The following BPIFC variants were observed in gnomAD, a reference collection of about 807,000 sequenced individuals.
BPIFC encodes BPI fold-containing family C protein.
A neutral mutation model predicts 57.6 loss-of-function variants in BPIFC; 60 were observed. The ratio of observed to expected loss-of-function variants is 1.04; its 90% CI spans 0.85 to 1.29. The LOEUF is 1.29. BPIFC is among the 50% of genes most tolerant of loss of function. BPIFC has a pLI of 0.00. For missense variants in BPIFC, 581 were observed against 600.5 expected (o/e 0.97, Z 0.34); for synonymous variants, 243 against 224.5 (o/e 1.08, Z -0.74).
intron 11 of BPIFC, among the ~76,000 whole-genome samples, chr22:32,433,422 C>G (rs1569450634): frequency 6.6e-6 from 1 of 151,392 alleles, no homozygotes; most frequent in Non-Finnish European, 1.5e-5. Context: ...AGAATTGAAT[C>G]CTTCATTTCC....
intron 15 of BPIFC, among the ~76,000 whole-genome samples, chr22:32,416,247 G>GT (rs1933673761): frequency 6.6e-6 from 1 of 151,848 alleles, no homozygotes; most frequent in African/African-American, 2.4e-5. Context: ...GCCTGGCTAA[G>GT]TTTTTTTGTA....
At position 32,422,088 on chromosome 22, in the gene BPIFC, C is replaced by T. The variant is rs527674757; in HGVS notation, c.1218-2684G>A. Among the ~76,000 whole-genome samples the T allele has an allele frequency of 3.9e-5, 6 of 152,232 alleles. No individual in the cohort carries two copies. The East Asian group carries it at 1.2e-3, about 29-fold the overall frequency. Reference sequence around the variant, plus strand: ...CAGACAGGATTGACTAGGCTCAGTGCCTCTGGCTGTGTTACGATTTTCATT... The same window carrying T: ...CAGACAGGATTGACTAGGCTCAGTGTCTCTGGCTGTGTTACGATTTTCATT... On this transcript the variant is annotated intron_variant, in intron 13 of 16. Transcript: ENST00000300399.
intron 8 of BPIFC, 52 bp downstream of exon 8, chr22:32,442,619 G>C: frequency 6.4e-7 from 1 of 1,561,048 alleles, no homozygotes; most frequent in Non-Finnish European, 8.8e-7. Context: ...GGCAGTACCA[G>C]CTTTTGAAGG....
chr22:32,431,818 G>C (rs9609549), intron 12 of BPIFC, among the ~76,000 whole-genome samples: 12,742 of 152,116 alleles, frequency 0.084, 578 homozygotes, highest in Admixed American at 0.1. Context: ...AATTCCAGCT[G>C]TCCATGTAAC....
chr22:32,451,325 G>A (rs1270303842), intron 4 of BPIFC, among the ~76,000 whole-genome samples: 4 of 152,126 alleles, frequency 2.6e-5, no homozygotes, highest in Non-Finnish European at 4.4e-5. Context: ...GTAGTGCCAC[G>A]ATAAACATAC....
At chr22:32,463,086 C>A (rs1935198496) in intron 1 of BPIFC, among the ~76,000 whole-genome samples, 1 of 152,122 alleles carries the variant, frequency 6.6e-6, no homozygotes, top group South Asian at 2.1e-4. Context: ...ATCCAGGAAT[C>A]CAAAATTACA....
Position 32,445,885 on chromosome 22 carries a change from G to T in BPIFC, c.486C>A (p.Tyr162Ter). The stretch of plus-strand genomic sequence containing the variant: ...AGACGTGGGCATGGCTCAGTTGGGC[G>T]TAGCAATCTTGGAGCTTCAGGGTAG... ...GHPTLKLQDC[Y>*]AQLSHAHVSF... is the part of the protein sequence containing the mutation. Residue 162 changes from tyrosine (Y) to a stop codon, truncating the protein, a stop_gained, in exon 6 of 17, where the codon TAC becomes TAA. Coordinates refer to ENST00000300399, the MANE Select transcript of BPIFC (RefSeq NM_174932.3). LOFTEE classifies it high-confidence loss of function. The T allele has an allele frequency of 1.9e-6, 3 of 1,614,132 alleles. No individual in the cohort carries two copies. The highest frequency in any genetic ancestry group is 1.1e-5 in the South Asian group (1 of 91,080).
chr22:32,431,168 C>T (rs577378074), intron 13 of BPIFC, among the ~76,000 whole-genome samples, 179 bp downstream of exon 13: 10 of 149,140 alleles, frequency 6.7e-5, no homozygotes, highest in African/African-American at 2.2e-4. Flanking sequence ...GGCTGGAGTG[C>T]AGTGGTGTGA....
rs755398044 is a variant in BPIFC at position 32,419,401 on chromosome 22, G to A, written c.1221C>T (p.Phe407=). The change falls in exon 14 of 17, where the codon TTC becomes TTT. Residue 407 remains phenylalanine, a synonymous_variant. Coordinates refer to ENST00000300399, the MANE Select transcript of BPIFC (RefSeq NM_174932.3). The part of the protein sequence containing the change: ...RLVCSLSLNR[F]RLALPESNRS... ...GATTGGACTCTGGCAAAGCAAGGCG[G>A]AATCTAAAAGAAAACAAGAAAAGTT... The A allele has an allele frequency of 2.5e-6, 4 of 1,613,398 alleles. No individual in the cohort carries two copies. In the Admixed American group the frequency reaches 6.7e-5, roughly 27 times the overall value.
At chr22:32,428,250 C>CGTGT (rs34028436) in intron 13 of BPIFC, among the ~76,000 whole-genome samples, 1,464 of 143,362 alleles carry the variant, frequency 0.01, 29 homozygotes, top group African/African-American at 0.035. Flanking sequence ...TACATTAAAA[C>CGTGT]GTGTGTGTGT....
At chr22:32,443,241 G>A (rs1267262510) in intron 7 of BPIFC, among the ~76,000 whole-genome samples, 3 of 149,502 alleles carry the variant, frequency 2.0e-5, no homozygotes, top group Non-Finnish European at 4.4e-5. Context: ...TCGGCTCACT[G>A]CAAGCTCCGC....
intron 4 of BPIFC, among the ~76,000 whole-genome samples, chr22:32,450,093 TACACAC>T (rs59948938): frequency 0.023 from 3,324 of 145,562 alleles, 63 homozygotes; most frequent in East Asian, 0.098. Flanking sequence ...TCAAAGAGCA[TACACAC>T]ACACACACAC....
chr22:32,454,954 A>G (rs1934997145), intron 3 of BPIFC, among the ~76,000 whole-genome samples: 1 of 151,738 alleles, frequency 6.6e-6, no homozygotes, highest in Non-Finnish European at 1.5e-5. Flanking sequence ...CATATTTGCT[A>G]TGGCCAGACA....
At chr22:32,458,405 T>C (rs1935090973) in intron 2 of BPIFC, among the ~76,000 whole-genome samples, 1 of 152,218 alleles carries the variant, frequency 6.6e-6, no homozygotes, top group Admixed American at 6.5e-5. Context: ...AGCCACTCAA[T>C]GCAGAACATG....
At chr22:32,447,842 C>T (rs1433246295) in intron 4 of BPIFC, among the ~76,000 whole-genome samples, 1 of 151,982 alleles carries the variant, frequency 6.6e-6, no homozygotes, top group Non-Finnish European at 1.5e-5. Flanking sequence ...CTCCTGGCCT[C>T]CAGCAAGCCT....
rs1934415012 is a variant in BPIFC at position 32,436,765 on chromosome 22, TA to T, written c.748-886del. ...ACCTTCAAAATCTGTGTCTGCTGAG[TA>T]CCTGGGGAATCATAGAAAGAAGACC... On this transcript the variant is annotated intron_variant, in intron 9 of 16. Coordinates refer to ENST00000300399, the MANE Select transcript of BPIFC (RefSeq NM_174932.3). Among the ~76,000 whole-genome samples the T allele has an allele frequency of 1.3e-5, 2 of 152,164 alleles. 1 individual carries two copies. Among genetic ancestry groups the T allele is most frequent in the Admixed American group, 1.3e-4 (2 of 15,278 alleles).
intron 3 of BPIFC, among the ~76,000 whole-genome samples, chr22:32,457,062 A>G (rs1935052714): frequency 6.6e-6 from 1 of 152,190 alleles, no homozygotes; most frequent in Admixed American, 6.5e-5. Context: ...CTGTGTTTGG[A>G]CATGCCTCCC....
intron 13 of BPIFC, among the ~76,000 whole-genome samples, chr22:32,427,573 G>A (rs1214981310): frequency 6.6e-6 from 1 of 152,088 alleles, no homozygotes; most frequent in Non-Finnish European, 1.5e-5. Flanking sequence ...TGAGCATCAC[G>A]GTCCCGATGC....
chr22:32,423,888 G>GAAGT (rs1448926215), intron 13 of BPIFC, among the ~76,000 whole-genome samples: 4 of 151,522 alleles, frequency 2.6e-5, no homozygotes, highest in Non-Finnish European at 5.9e-5. Context: ...CCTCCAAAGA[G>GAAGT]AAGTATGTTT....
Sources: allele counts gnomAD v4.1 joint callset (sites outside exome capture counted in the v4.1 genomes callset), GRCh38; gene constraint gnomAD v4.1.1; transcripts MANE v1.5; gene names NCBI Gene and HGNC (gene_info 2026-07-23, HGNC 2026-07-21).